Variants in ARID1B observed in about 807,000 individuals in gnomAD.
ARID1B encodes AT-rich interaction domain 1B.
Under a neutral mutation model 212.3 loss-of-function variants are expected in ARID1B, and 30 were observed. The observed-to-expected ratio is 0.14, with a 90% CI of 0.11 to 0.19. ARID1B has a LOEUF of 0.19. Among genes scored for constraint, ARID1B ranks in the 10% least tolerant of loss-of-function variants. ARID1B has a pLI of 1.00. For missense variants in ARID1B, 2,891 were observed against 3,204.0 expected (o/e 0.90, Z 2.36); for synonymous variants, 1,402 against 1,301.7 (o/e 1.08, Z -1.66).
intron 7 of ARID1B, among the ~76,000 whole-genome samples, chr6:157,145,415 A>G (rs1241336595): frequency 6.6e-6 from 1 of 152,178 alleles, no homozygotes; most frequent in African/African-American, 2.4e-5. Flanking sequence ...ACTATTTCCT[A>G]TCTGGCCCTT....
intron 3 of ARID1B, among the ~76,000 whole-genome samples, chr6:156,907,742 C>CAAAA (rs113702446): frequency 8.2e-6 from 1 of 122,618 alleles, no homozygotes; most frequent in Non-Finnish European, 1.8e-5. Flanking sequence ...ACTAAAAATG[C>CAAAA]AAAAAAAAAA....
At chr6:156,814,342 C>T (rs542224) in intron 1 of ARID1B, among the ~76,000 whole-genome samples, 21,394 of 152,034 alleles carry the variant, frequency 0.14, 1,792 homozygotes, top group Non-Finnish European at 0.19. Context: ...TCACTTGAGC[C>T]GGGTAAGCCA....
intron 2 of ARID1B, among the ~76,000 whole-genome samples, chr6:156,832,008 T>C (rs940669996): frequency 4.6e-5 from 7 of 152,244 alleles, no homozygotes; most frequent in Non-Finnish European, 8.8e-5. Context: ...CTTTGAAATA[T>C]AGTATCTTGT....
At chr6:157,198,727 CAG>C in intron 16 of ARID1B, 82 bp from the exon 17 acceptor site, 1 of 1,197,460 alleles carries the variant, frequency 8.4e-7, no homozygotes, top group Non-Finnish European at 1.2e-6. Context: ...TTGAGGGAGT[CAG>C]GGTTCCAGAA....
intron 4 of ARID1B, among the ~76,000 whole-genome samples, chr6:157,016,657 G>C (rs1779939943): frequency 1.3e-5 from 2 of 152,204 alleles, no homozygotes; most frequent in African/African-American, 4.8e-5. Context: ...CCCTGCAATG[G>C]AGTGGCATTC....
At chr6:157,180,878 G>C in intron 11 of ARID1B, 91 bp from the exon 12 acceptor site, 1 of 1,055,768 alleles carries the variant, frequency 9.5e-7, no homozygotes, top group South Asian at 1.5e-5. Flanking sequence ...TTCTCTTCTT[G>C]TATTTGTTAG....
chr6:157,011,842 T>C (rs545289868), intron 4 of ARID1B, among the ~76,000 whole-genome samples: 1 of 152,324 alleles, frequency 6.6e-6, no homozygotes, highest in Non-Finnish European at 1.5e-5. Flanking sequence ...TTTATGATAA[T>C]AAGGAACCGA....
chr6:157,204,084 G>A, intron 19 of ARID1B, 88 bp downstream of exon 19: 2 of 1,524,462 alleles, frequency 1.3e-6, no homozygotes, highest in South Asian at 2.3e-5. Context: ...TGCCTGAGTT[G>A]ATGAGCACTG....
chr6:157,046,774 C>T (rs2128544425), intron 4 of ARID1B, among the ~76,000 whole-genome samples: 1 of 152,292 alleles, frequency 6.6e-6, no homozygotes, highest in African/African-American at 2.4e-5. Flanking sequence ...TTTCTGCCAC[C>T]TTTAGTCTTC....
At chr6:156,799,951 C>G (rs1291837804) in intron 1 of ARID1B, among the ~76,000 whole-genome samples, 1 of 152,162 alleles carries the variant, frequency 6.6e-6, no homozygotes, top group Non-Finnish European at 1.5e-5. Context: ...TTTTCGGGGT[C>G]CTAGGTGACA....
chr6:156,859,545 T>C (rs1480543550), intron 2 of ARID1B, among the ~76,000 whole-genome samples: 1 of 152,206 alleles, frequency 6.6e-6, no homozygotes, highest in Non-Finnish European at 1.5e-5. Flanking sequence ...AAAAAAATTC[T>C]AGTGTTTACA....
intron 4 of ARID1B, among the ~76,000 whole-genome samples, chr6:156,983,909 C>T (rs1451986859): frequency 6.6e-6 from 1 of 152,188 alleles, no homozygotes; most frequent in African/African-American, 2.4e-5. Context: ...CTGCACCCCT[C>T]AGCCAGTTAG....
intron 4 of ARID1B, among the ~76,000 whole-genome samples, chr6:157,032,373 A>G (rs1272827921): frequency 6.6e-6 from 1 of 152,152 alleles, no homozygotes; most frequent in Non-Finnish European, 1.5e-5. Context: ...CTAATATGTT[A>G]TTTTAAATAA....
chr6:156,857,447 G>A (rs1396947465), intron 2 of ARID1B, among the ~76,000 whole-genome samples: 1 of 152,060 alleles, frequency 6.6e-6, no homozygotes, highest in South Asian at 2.1e-4. Context: ...TGGCCTGGGG[G>A]CTAACTTCTA....
At chr6:156,844,651 A>G (rs1784108927) in intron 2 of ARID1B, among the ~76,000 whole-genome samples, 1 of 152,218 alleles carries the variant, frequency 6.6e-6, no homozygotes, top group Non-Finnish European at 1.5e-5. Context: ...GTGAAGGATG[A>G]TAGGGAAATA....
In ARID1B at chr6:157,182,579, C is replaced by T. The variant is rs1792635739; in HGVS notation, c.3714+1401C>T. 2.6e-5 allele frequency among the ~76,000 whole-genome samples: 4 copies of T among 152,050 alleles called. No homozygotes were observed. In the South Asian group the frequency reaches 6.2e-4, roughly 24 times the overall value. Reference sequence around the variant, plus strand: ...TCATCTGCCCTGCAGGTGTCACTGACGGCCTACCGTGGTCTCAGTGCTGCG... The same window carrying T: ...TCATCTGCCCTGCAGGTGTCACTGATGGCCTACCGTGGTCTCAGTGCTGCG... On this transcript the variant is annotated intron_variant, in intron 12 of 19. Coordinates refer to ENST00000636930, the MANE Select transcript of ARID1B (RefSeq NM_001374828.1).
At chr6:156,995,080 C>T (rs1379278708) in intron 4 of ARID1B, among the ~76,000 whole-genome samples, 2 of 152,210 alleles carry the variant, frequency 1.3e-5, no homozygotes, top group African/African-American at 2.4e-5. Context: ...CCTGCACCTT[C>T]CTAGGCACGT....
chr6:156,915,770 C>T (rs551886109), intron 3 of ARID1B, among the ~76,000 whole-genome samples: 12 of 152,030 alleles, frequency 7.9e-5, no homozygotes, highest in African/African-American at 2.4e-4. Context: ...GTGGTGCATA[C>T]CTGTAGTTGC....
intron 1 of ARID1B, among the ~76,000 whole-genome samples, chr6:156,780,666 G>C (rs1389827738): frequency 1.3e-5 from 2 of 152,142 alleles, no homozygotes; most frequent in Admixed American, 1.3e-4. Flanking sequence ...TCTATTACAA[G>C]CAAATGTAAG....
Sources: allele counts gnomAD v4.1 joint callset (sites outside exome capture counted in the v4.1 genomes callset), GRCh38; gene constraint gnomAD v4.1.1; transcripts MANE v1.5; gene names NCBI Gene and HGNC (gene_info 2026-07-23, HGNC 2026-07-21).